The following PTPRD variants were observed in gnomAD, a reference collection of about 807,000 sequenced individuals.
PTPRD encodes the protein protein tyrosine phosphatase receptor type D.
A neutral mutation model predicts 214.5 loss-of-function variants in PTPRD; 34 were observed. The observed-to-expected ratio is 0.16, with a 90% CI of 0.12 to 0.21. The LOEUF is 0.21. Among genes scored for constraint, PTPRD ranks in the 10% least tolerant of loss-of-function variants. The pLI is 1.00. For synonymous variants in PTPRD, 1,128 were observed against 845.7 expected, an observed-to-expected ratio of 1.33 and a Z score of -5.79; for missense variants, 2,545 against 2,398.7, an observed-to-expected ratio of 1.06 and a Z score of -1.27.
At chr9:8,578,031 G>A (rs572267322) in intron 14 of PTPRD, among the ~76,000 whole-genome samples, 3 of 152,142 alleles carry the variant, frequency 2.0e-5, no homozygotes, top group East Asian at 1.9e-4. Context: ...TGAATACAGA[G>A]CAAATAAACT....
intron 5 of PTPRD, among the ~76,000 whole-genome samples, chr9:9,933,470 A>T (rs1566478306): frequency 6.6e-6 from 1 of 151,832 alleles, no homozygotes; most frequent in South Asian, 2.1e-4. Flanking sequence ...AAAGATCAAA[A>T]GAGACAAAGA....
At chr9:8,677,443 T>C (rs2097449890) in intron 12 of PTPRD, among the ~76,000 whole-genome samples, 1 of 152,136 alleles carries the variant, frequency 6.6e-6, no homozygotes, top group Non-Finnish European at 1.5e-5. Flanking sequence ...ACACCTCAAG[T>C]TCTCACTTAT....
chr9:8,767,828 A>C (rs911449744), intron 11 of PTPRD, among the ~76,000 whole-genome samples: 17 of 152,220 alleles, frequency 1.1e-4, no homozygotes, highest in African/African-American at 3.9e-4. Context: ...TTAAGTTGAG[A>C]ACCACTCAGT....
At chr9:9,005,823 T>G (rs1465801924) in intron 11 of PTPRD, among the ~76,000 whole-genome samples, 2 of 152,006 alleles carry the variant, frequency 1.3e-5, no homozygotes, top group Non-Finnish European at 2.9e-5. Context: ...GAGGGCAGAC[T>G]TATACTCTGA....
intron 11 of PTPRD, among the ~76,000 whole-genome samples, chr9:8,820,920 T>C (rs2097046816): frequency 6.6e-6 from 1 of 152,218 alleles, no homozygotes; most frequent in Non-Finnish European, 1.5e-5. Flanking sequence ...CTTAATAATA[T>C]GATGTCATAC....
At chr9:9,959,961 A>G (rs1288824732) in intron 4 of PTPRD, among the ~76,000 whole-genome samples, 4 of 152,202 alleles carry the variant, frequency 2.6e-5, no homozygotes, top group South Asian at 2.1e-4. Context: ...TTAAGCACAT[A>G]TATTTTTTGC....
intron 39 of PTPRD, among the ~76,000 whole-genome samples, chr9:8,373,852 ATG>A (rs1564367284): frequency 8.0e-5 from 9 of 113,040 alleles, no homozygotes; most frequent in Admixed American, 1.8e-4. Context: ...ATGTATGTGT[ATG>A]TGTCTGTCTG....
chr9:8,759,033 T>C (rs1205713417), intron 11 of PTPRD, among the ~76,000 whole-genome samples: 1 of 126,728 alleles, frequency 7.9e-6, no homozygotes, highest in Non-Finnish European at 1.6e-5. Flanking sequence ...TGGTTTTGGG[T>C]TTTTTTTTTT....
intron 3 of PTPRD, among the ~76,000 whole-genome samples, chr9:10,049,913 G>C (rs548184372): frequency 6.6e-6 from 1 of 152,216 alleles, no homozygotes; most frequent in East Asian, 1.9e-4. Context: ...AGCATGACCT[G>C]TCTCAGAATC....
At chr9:9,240,548 G>A (rs1171688371) in intron 9 of PTPRD, among the ~76,000 whole-genome samples, 1 of 152,112 alleles carries the variant, frequency 6.6e-6, no homozygotes, top group Non-Finnish European at 1.5e-5. Context: ...GCACGTGCCT[G>A]TCATCCCAGC....
At chr9:9,671,836 G>T (rs759832568) in intron 7 of PTPRD, among the ~76,000 whole-genome samples, 2 of 152,132 alleles carry the variant, frequency 1.3e-5, no homozygotes, top group African/African-American at 4.8e-5. Context: ...TTTCTTCCCA[G>T]TCTCAGGTAT....
intron 9 of PTPRD, among the ~76,000 whole-genome samples, chr9:9,289,480 T>G (rs2134015614): frequency 6.6e-6 from 1 of 151,968 alleles, no homozygotes; most frequent in Admixed American, 6.6e-5. Context: ...AGTTACTATT[T>G]GCATGTGTGT....
chr9:8,874,596 G>T (rs1202000140), intron 11 of PTPRD, among the ~76,000 whole-genome samples: 1 of 152,100 alleles, frequency 6.6e-6, no homozygotes, highest in Admixed American at 6.5e-5. Context: ...TGGTTACCTT[G>T]TTCTCCTAAT....
In PTPRD at chr9:8,436,790, A is replaced by G. The variant is rs533314634; in HGVS notation, c.3989-101T>C. ...TACTATAGTTAGAAATGGCCTGAAA[A>G]TATGTGAGTAGTAAAGATGTTTTAG... On this transcript the variant is annotated intron_variant, in intron 34 of 45. Coordinates refer to ENST00000381196, the MANE Select transcript of PTPRD (RefSeq NM_002839.4). 1.5e-5 allele frequency: 13 copies of G among 888,120 alleles called. No homozygotes were observed. The African/African-American group carries it at 1.8e-4, about 13-fold the overall frequency. The allele number at this position is 888,120 out of a possible 1,614,324, so 55.0% of individuals were successfully genotyped here.
chr9:9,079,914 GCCC>G (rs2099756618), intron 10 of PTPRD, among the ~76,000 whole-genome samples: 1 of 152,058 alleles, frequency 6.6e-6, no homozygotes, highest in African/African-American at 2.4e-5. Flanking sequence ...GAATAAGGGT[GCCC>G]TTAGTTTCTA....
At chr9:10,115,573 T>C (rs974697273) in intron 3 of PTPRD, among the ~76,000 whole-genome samples, 33 of 152,094 alleles carry the variant, frequency 2.2e-4, no homozygotes, top group African/African-American at 2.9e-4. Context: ...ACTTTCAAGG[T>C]TGATGTGTTT....
chr9:9,742,881 T>G (rs2098418552), intron 6 of PTPRD, among the ~76,000 whole-genome samples: 1 of 152,196 alleles, frequency 6.6e-6, no homozygotes, highest in Admixed American at 6.5e-5. Context: ...TTTTTATTGT[T>G]GTTATGCATA....
intron 8 of PTPRD, among the ~76,000 whole-genome samples, chr9:9,461,220 G>A (rs1467378351): frequency 2.6e-5 from 4 of 151,788 alleles, no homozygotes; most frequent in Non-Finnish European, 5.9e-5. Context: ...TACCTATTTG[G>A]TACTATGTTC....
chr9:9,850,273 G>A (rs1403111393), intron 5 of PTPRD, among the ~76,000 whole-genome samples: 1 of 152,126 alleles, frequency 6.6e-6, no homozygotes, highest in Non-Finnish European at 1.5e-5. Context: ...CTTGAGGCTT[G>A]GGAGATCAGA....
Sources: gnomAD v4.1 joint callset for allele counts (sites outside exome capture counted in the v4.1 genomes callset) on GRCh38, gnomAD v4.1.1 for gene constraint, MANE v1.5 for transcripts, NCBI Gene and HGNC (gene_info 2026-07-23, HGNC 2026-07-21) for gene names.